The following RBMS3 variants were observed in gnomAD, a reference collection of about 807,000 sequenced individuals.
RBMS3 encodes the protein RNA-binding motif, single-stranded-interacting protein 3.
In RBMS3, 27 loss-of-function variants were observed where a neutral mutation model predicts 66.8. The observed-to-expected ratio is 0.40, with a 90% CI of 0.30 to 0.56. RBMS3 has a LOEUF of 0.56. Among genes scored for constraint, RBMS3 ranks in the 20% least tolerant of loss-of-function variants. RBMS3 has a pLI of 0.40. For synonymous variants in RBMS3, 188 were observed against 183.0 expected (o/e 1.03, Z -0.22); for missense variants, 513 against 549.5 (o/e 0.93, Z 0.66).
rs2045511308 is a variant in RBMS3 at position 29,535,291 on chromosome 3, T to C, written c.307+46792T>C. ...AATAAAGATTTTGAAAATGTCACTT[T>C]GTGTTTGTTTTCATCTTGATAATTT... On this transcript the variant is annotated intron_variant, in intron 3 of 14. Transcript: ENST00000383767. Among the ~76,000 whole-genome samples, 2 of 152,188 alleles carry C rather than the reference T, an allele frequency of 1.3e-5. 1 individual carries two copies. The highest frequency in any genetic ancestry group is 4.1e-4 in the South Asian group (2 of 4,832).
chr3:29,518,875 G>A (rs1027858516), intron 3 of RBMS3, among the ~76,000 whole-genome samples: 2 of 152,100 alleles, frequency 1.3e-5, no homozygotes, highest in African/African-American at 4.8e-5. Flanking sequence ...GTAGATGATA[G>A]GGCTACTTCT....
rs541454204 is a variant in RBMS3, at chr3:29,787,041, A to G, written c.637+24052A>G. ...TAAGGACATGAATAGACAATTCTCAAAAGAAGATATACAAATGGCCAACAA... is the reference window on the plus strand; with the variant it reads ...TAAGGACATGAATAGACAATTCTCAGAAGAAGATATACAAATGGCCAACAA... On this transcript the variant is annotated intron_variant, in intron 6 of 14. Transcript: ENST00000383767. 3.3e-5 allele frequency among the ~76,000 whole-genome samples: 5 copies of G among 152,312 alleles called. No individual in the cohort carries two copies. The East Asian group carries it at 9.7e-4, about 29-fold the overall frequency.
At chr3:29,495,575 C>A (rs1477803917) in intron 3 of RBMS3, among the ~76,000 whole-genome samples, 2 of 151,584 alleles carry the variant, frequency 1.3e-5, no homozygotes, top group East Asian at 3.9e-4. Context: ...GCCACCATGC[C>A]CCATTAATTT....
chr3:29,739,431 G>A (rs1175255103), intron 4 of RBMS3, among the ~76,000 whole-genome samples: 1 of 149,466 alleles, frequency 6.7e-6, no homozygotes, highest in Admixed American at 6.7e-5. Flanking sequence ...ACTCCAGCCT[G>A]GGCTACAGAG....
chr3:29,562,782 T>C (rs2046602535), intron 3 of RBMS3, among the ~76,000 whole-genome samples: 2 of 152,300 alleles, frequency 1.3e-5, no homozygotes, highest in South Asian at 4.1e-4. Context: ...CTCTAACCCA[T>C]ACTCACTCAT....
intron 11 of RBMS3, among the ~76,000 whole-genome samples, chr3:29,936,725 T>G (rs2061274210): frequency 6.6e-6 from 1 of 152,128 alleles, no homozygotes; most frequent in Non-Finnish European, 1.5e-5. Flanking sequence ...CCTAATGTGC[T>G]TGATTTTTTC....
intron 6 of RBMS3, among the ~76,000 whole-genome samples, chr3:29,827,287 A>G (rs957367177): frequency 6.6e-6 from 1 of 152,192 alleles, no homozygotes. Flanking sequence ...TTTAGCAGAA[A>G]TAATTTTCAG....
chr3:29,657,661 T>C (rs1294637497), intron 4 of RBMS3, among the ~76,000 whole-genome samples: 3 of 152,190 alleles, frequency 2.0e-5, no homozygotes, highest in African/African-American at 7.2e-5. Context: ...TGATGTGTAA[T>C]ATAACGATAA....
intron 12 of RBMS3, among the ~76,000 whole-genome samples, chr3:29,958,852 G>C (rs761838026): frequency 5.9e-5 from 9 of 152,172 alleles, no homozygotes; most frequent in Non-Finnish European, 1.0e-4. Context: ...TCAGTAATTT[G>C]TGTGTTAAAA....
Position 29,960,940 on chromosome 3 carries a change from C to T in RBMS3, c.1098+16686C>T, listed in dbSNP as rs1048704167. On this transcript the variant is annotated intron_variant, in intron 12 of 14. Coordinates refer to ENST00000383767, the MANE Select transcript of RBMS3 (RefSeq NM_001003793.3). ...GAGGGGCTGCTATGTAGACCTCTGA[C>T]ATGCCCTGGAGACATTTTTCCCATT... Among the ~76,000 whole-genome samples the T allele has an allele frequency of 3.9e-5, 6 of 152,268 alleles. 1 individual carries two copies. The South Asian group carries it at 1.2e-3, about 32-fold the overall frequency.
chr3:29,579,706 A>C (rs142312663), intron 3 of RBMS3, among the ~76,000 whole-genome samples: 1 of 152,292 alleles, frequency 6.6e-6, no homozygotes, highest in African/African-American at 2.4e-5. Context: ...CAAGACATAT[A>C]TTTTATTTGT....
intron 1 of RBMS3, among the ~76,000 whole-genome samples, chr3:29,401,589 A>T (rs551377622): frequency 6.6e-6 from 1 of 152,090 alleles, no homozygotes; most frequent in African/African-American, 2.4e-5. Flanking sequence ...TTATAGCTAG[A>T]CTAGGTTGGC....
At chr3:29,426,293 A>T (rs887473911) in intron 1 of RBMS3, among the ~76,000 whole-genome samples, 1 of 152,244 alleles carries the variant, frequency 6.6e-6, no homozygotes, top group Non-Finnish European at 1.5e-5. Flanking sequence ...AACTCCATTG[A>T]TGTCATTTAT....
At chr3:29,692,592 A>T (rs1270447507) in intron 4 of RBMS3, among the ~76,000 whole-genome samples, 1 of 152,208 alleles carries the variant, frequency 6.6e-6, no homozygotes, top group Non-Finnish European at 1.5e-5. Context: ...CTAATCAAAA[A>T]ACTGACCATG....
chr3:29,940,921 T>C (rs2061379750), intron 11 of RBMS3, among the ~76,000 whole-genome samples: 1 of 151,868 alleles, frequency 6.6e-6, no homozygotes, highest in Non-Finnish European at 1.5e-5. Flanking sequence ...TCTTATCACT[T>C]TATTGTAAGC....
At chr3:29,407,893 G>A (rs11914617) in intron 1 of RBMS3, among the ~76,000 whole-genome samples, 7,716 of 152,160 alleles carry the variant, frequency 0.051, 323 homozygotes, top group East Asian at 0.18. Context: ...AATAACATTA[G>A]TAAATAAATA....
chr3:29,774,476 A>G (rs536267781), intron 6 of RBMS3, among the ~76,000 whole-genome samples: 1 of 152,208 alleles, frequency 6.6e-6, no homozygotes, highest in South Asian at 2.1e-4. Flanking sequence ...TTAAAATAAA[A>G]AAATCTTAGC....
intron 2 of RBMS3, among the ~76,000 whole-genome samples, chr3:29,456,078 C>G (rs1387981325): frequency 3.3e-5 from 5 of 152,078 alleles, no homozygotes; most frequent in Non-Finnish European, 7.4e-5. Context: ...TAATGAGGAT[C>G]AACTCTATTA....
chr3:29,579,015 A>T (rs2047230484), intron 3 of RBMS3, among the ~76,000 whole-genome samples: 2 of 134,620 alleles, frequency 1.5e-5, no homozygotes, highest in Non-Finnish European at 3.1e-5. Flanking sequence ...GTTAGCCAGG[A>T]TGGTCTCGAT....
Sources: gnomAD v4.1 joint callset for allele counts (sites outside exome capture counted in the v4.1 genomes callset) on GRCh38, gnomAD v4.1.1 for gene constraint, MANE v1.5 for transcripts, NCBI Gene and HGNC (gene_info 2026-07-23, HGNC 2026-07-21) for gene names.